The following PLXNA4 variants were observed in gnomAD, a reference collection of about 807,000 sequenced individuals.
PLXNA4 encodes the protein plexin A4.
PLXNA4 carries 44 observed loss-of-function variants against 191.8 expected under a neutral mutation model. That is an observed-to-expected ratio of 0.23 (90% CI 0.18 to 0.29). The LOEUF (loss-of-function observed/expected upper bound fraction) is 0.29. Among genes scored for constraint, PLXNA4 ranks in the 10% least tolerant of loss-of-function variants. The pLI is 1.00. For missense variants in PLXNA4, 1,800 were observed against 2,488.8 expected, an observed-to-expected ratio of 0.72 and a Z score of 5.89; for synonymous variants, 1,082 against 1,009.5, an observed-to-expected ratio of 1.07 and a Z score of -1.36.
At chr7:132,200,544 G>T (rs1562916628) in intron 12 of PLXNA4, among the ~76,000 whole-genome samples, 1 of 152,214 alleles carries the variant, frequency 6.6e-6, no homozygotes, top group Non-Finnish European at 1.5e-5. Flanking sequence ...CTGAAGTGGG[G>T]ACTGAGAGAA....
intron 4 of PLXNA4, among the ~76,000 whole-genome samples, chr7:132,249,607 T>C (rs928315759): frequency 6.6e-6 from 1 of 152,192 alleles, no homozygotes; most frequent in African/African-American, 2.4e-5. Context: ...TCCCCTTCCC[T>C]GATGCACAGA....
rs142036995 is a variant in PLXNA4 at position 132,574,216 on chromosome 7, G to A, written c.-87+2206C>T. 9.2e-5 allele frequency among the ~76,000 whole-genome samples: 14 copies of A among 152,316 alleles called. No individual in the cohort carries two copies. In the East Asian group the frequency reaches 2.3e-3, roughly 25 times the overall value. On this transcript the variant is annotated intron_variant, in intron 1 of 31. Transcript: ENST00000321063. Reference sequence around the variant, plus strand: ...GCGAATACATGAGAAAGGAAAGAGGGTAGGGAGGAAAGCAGAGAAAGGAGT... The same window carrying A: ...GCGAATACATGAGAAAGGAAAGAGGATAGGGAGGAAAGCAGAGAAAGGAGT...
intron 12 of PLXNA4, among the ~76,000 whole-genome samples, chr7:132,200,848 T>G (rs1797411274): frequency 6.6e-6 from 1 of 152,186 alleles, no homozygotes; most frequent in African/African-American, 2.4e-5. Flanking sequence ...TACTGACACT[T>G]TGGTTAGAGT....
At chr7:132,496,769 A>G (rs1387879213) in intron 2 of PLXNA4, among the ~76,000 whole-genome samples, 1 of 152,124 alleles carries the variant, frequency 6.6e-6, no homozygotes, top group Non-Finnish European at 1.5e-5. Context: ...AATCTATTCC[A>G]GGATCAGAGG....
intron 3 of PLXNA4, among the ~76,000 whole-genome samples, chr7:132,380,120 G>A (rs1804829747): frequency 2.0e-5 from 3 of 152,196 alleles, no homozygotes; most frequent in Admixed American, 2.0e-4. Context: ...TGGGATTCCA[G>A]GAGTAGCAGC....
chr7:132,189,602 G>A (rs1003189744), intron 14 of PLXNA4, among the ~76,000 whole-genome samples: 1 of 152,166 alleles, frequency 6.6e-6, no homozygotes, highest in Non-Finnish European at 1.5e-5. Context: ...CATGCCCCAA[G>A]TCCTGGGGAA....
chr7:132,583,798 G>C (rs1442158416), intron 2 of PLXNA4, among the ~76,000 whole-genome samples: 1 of 152,164 alleles, frequency 6.6e-6, no homozygotes, highest in Non-Finnish European at 1.5e-5. Context: ...CCTGCTGACT[G>C]TAACCTTCAC....
At chr7:132,252,225 T>G (rs963573441) in intron 4 of PLXNA4, among the ~76,000 whole-genome samples, 4 of 150,370 alleles carry the variant, frequency 2.7e-5, no homozygotes, top group Non-Finnish European at 5.9e-5. Context: ...CAGTAAGAGA[T>G]ACAGCTTTGA....
intron 9 of PLXNA4, among the ~76,000 whole-genome samples, chr7:132,211,572 G>A (rs1797802876): frequency 6.6e-6 from 1 of 152,220 alleles, no homozygotes; most frequent in African/African-American, 2.4e-5. Flanking sequence ...TCCGCAGAGA[G>A]GCAAAGCCCT....
Position 132,260,018 on chromosome 7 carries a change from G to A in PLXNA4, c.1504-18852C>T, listed in dbSNP as rs575619848. Among the ~76,000 whole-genome samples, 312 of 152,270 alleles carry A rather than the reference G, an allele frequency of 2.0e-3. 1 individual carries two copies. Among genetic ancestry groups the A allele is most frequent in the Non-Finnish European group, 2.4e-3 (166 of 68,026 alleles). ...TTAAAAAGACAAAAAATAACAGATG[G>A]AGAGGTTGTGGAGGAAAAAGGACAC... On this transcript the variant is annotated intron_variant, in intron 4 of 31. Coordinates refer to ENST00000321063, the MANE Select transcript of PLXNA4 (RefSeq NM_020911.2).
At chr7:132,455,762 G>T (rs1199119913) in intron 3 of PLXNA4, among the ~76,000 whole-genome samples, 3 of 152,132 alleles carry the variant, frequency 2.0e-5, no homozygotes, top group Non-Finnish European at 4.4e-5. Context: ...GGGTGGGGGA[G>T]TGGGGCCCAG....
intron 3 of PLXNA4, among the ~76,000 whole-genome samples, chr7:132,460,637 G>T (rs1410938429): frequency 6.6e-6 from 1 of 152,084 alleles, no homozygotes; most frequent in Non-Finnish European, 1.5e-5. Flanking sequence ...AACCTAGCAG[G>T]CAATATTTAA....
chr7:132,207,018 A>C (rs1176771119), intron 10 of PLXNA4, among the ~76,000 whole-genome samples: 1 of 152,204 alleles, frequency 6.6e-6, no homozygotes, highest in Non-Finnish European at 1.5e-5. Flanking sequence ...CTTCTAAAGC[A>C]AAAATGAGAC....
At chr7:132,414,374 G>A (rs751561151) in intron 3 of PLXNA4, among the ~76,000 whole-genome samples, 3 of 152,134 alleles carry the variant, frequency 2.0e-5, no homozygotes, top group Non-Finnish European at 2.9e-5. Flanking sequence ...TAAGCGATGG[G>A]GAGAATCCAT....
At chr7:132,241,763 A>G (rs950728144) in intron 4 of PLXNA4, among the ~76,000 whole-genome samples, 1 of 152,180 alleles carries the variant, frequency 6.6e-6, no homozygotes, top group African/African-American at 2.4e-5. Flanking sequence ...ATGTTGGCCA[A>G]CTGGCTCTAA....
At chr7:132,252,084 T>C (rs1405167155) in intron 4 of PLXNA4, among the ~76,000 whole-genome samples, 2 of 152,044 alleles carry the variant, frequency 1.3e-5, no homozygotes, top group Non-Finnish European at 2.9e-5. Flanking sequence ...TGTCTCAAGG[T>C]ACCCACCTAA....
chr7:132,246,734 T>C lies in PLXNA4; in HGVS notation c.1504-5568A>G, dbSNP rs927516848. ...GTAGTTTGGTCTGGTTTTAAATGAT[T>C]GTAAATAGAATTATCATTTGCTGTT... is the stretch of plus-strand genomic sequence containing the variant. On this transcript the variant is annotated intron_variant, in intron 4 of 31. Coordinates refer to ENST00000321063, the MANE Select transcript of PLXNA4 (RefSeq NM_020911.2). Among the ~76,000 whole-genome samples, 2 of 152,098 alleles carry C rather than the reference T, an allele frequency of 1.3e-5. 1 individual carries two copies. The highest frequency in any genetic ancestry group is 4.1e-4 in the South Asian group (2 of 4,824).
intron 2 of PLXNA4, among the ~76,000 whole-genome samples, chr7:132,643,729 G>T (rs531974330): frequency 1.3e-5 from 2 of 152,196 alleles, no homozygotes; most frequent in East Asian, 3.9e-4. Context: ...GGTGAAGATT[G>T]TTTGAGGACA....
At chr7:132,295,109 A>T (rs898325042) in intron 4 of PLXNA4, among the ~76,000 whole-genome samples, 7 of 152,348 alleles carry the variant, frequency 4.6e-5, no homozygotes, top group Middle Eastern at 3.4e-3. Context: ...TTTGTAATAA[A>T]CTGAAGCAAT....
Sources: allele counts gnomAD v4.1 joint callset (sites outside exome capture counted in the v4.1 genomes callset), GRCh38; gene constraint gnomAD v4.1.1; transcripts MANE v1.5; gene names NCBI Gene and HGNC (gene_info 2026-07-23, HGNC 2026-07-21).